Variants in SNTG1 observed in about 807,000 individuals in gnomAD.
SNTG1 encodes syntrophin gamma 1.
A neutral mutation model predicts 74.7 loss-of-function variants in SNTG1; 39 were observed. The observed-to-expected ratio is 0.52, with a 90% CI of 0.40 to 0.68. The LOEUF (loss-of-function observed/expected upper bound fraction) is 0.68, where lower values mean the gene tolerates loss of function less well. Among genes scored for constraint, SNTG1 ranks in the 30% least tolerant of loss-of-function variants. SNTG1 has a pLI of 0.00. For missense variants in SNTG1, 685 were observed against 609.5 expected (o/e 1.12, Z -1.30); for synonymous variants, 254 against 217.1 (o/e 1.17, Z -1.49).
At chr8:50,252,619 T>C (rs1188528510) in intron 2 of SNTG1, among the ~76,000 whole-genome samples, 1 of 152,082 alleles carries the variant, frequency 6.6e-6, no homozygotes, top group Non-Finnish European at 1.5e-5. Context: ...ATGGTGGAAG[T>C]TGAAGGAAGA....
intron 8 of SNTG1, among the ~76,000 whole-genome samples, chr8:50,502,429 A>G (rs1410146784): frequency 1.3e-5 from 2 of 152,188 alleles, no homozygotes; most frequent in African/African-American, 2.4e-5. Flanking sequence ...ACAATTATTA[A>G]TAATTTACCA....
intron 2 of SNTG1, among the ~76,000 whole-genome samples, chr8:50,237,406 T>C (rs1352026080): frequency 6.6e-6 from 1 of 152,178 alleles, no homozygotes; most frequent in South Asian, 2.1e-4. Context: ...TCTCTTTTCA[T>C]GAATTTGGCC....
chr8:50,645,012 G>GCCCA (rs1407439923), intron 13 of SNTG1, among the ~76,000 whole-genome samples: 2 of 150,182 alleles, frequency 1.3e-5, no homozygotes, highest in Middle Eastern at 3.4e-3. Flanking sequence ...CACCTTGGCC[G>GCCCA]CCCACAGTGC....
chr8:50,403,328 G>A (rs58312843), intron 4 of SNTG1, among the ~76,000 whole-genome samples: 4,790 of 152,188 alleles, frequency 0.031, 248 homozygotes, highest in African/African-American at 0.11. Flanking sequence ...TAAATCAATA[G>A]GCCTTTGCCA....
chr8:50,343,268 A>G (rs1563921617), intron 2 of SNTG1, among the ~76,000 whole-genome samples: 1 of 152,258 alleles, frequency 6.6e-6, no homozygotes, highest in Non-Finnish European at 1.5e-5. Flanking sequence ...TCAATAGATT[A>G]CATGGCATTA....
At chr8:50,190,175 G>A (rs1206804122) in intron 2 of SNTG1, among the ~76,000 whole-genome samples, 1 of 152,118 alleles carries the variant, frequency 6.6e-6, no homozygotes, top group African/African-American at 2.4e-5. Context: ...GGAGCTCACA[G>A]TCTACTGTAA....
intron 11 of SNTG1, among the ~76,000 whole-genome samples, chr8:50,537,609 A>G (rs1446337036): frequency 6.6e-6 from 1 of 152,028 alleles, no homozygotes; most frequent in Non-Finnish European, 1.5e-5. Flanking sequence ...ACTTGTATGT[A>G]TACTTTATGA....
At chr8:50,425,180 T>G (rs2093146036) in intron 4 of SNTG1, among the ~76,000 whole-genome samples, 2 of 152,146 alleles carry the variant, frequency 1.3e-5, no homozygotes, top group Admixed American at 6.5e-5. Flanking sequence ...AGGGATTTTT[T>G]TTGTGGTTAA....
chr8:50,416,142 C>T (rs551147553), intron 4 of SNTG1, among the ~76,000 whole-genome samples: 30 of 152,224 alleles, frequency 2.0e-4, no homozygotes, highest in African/African-American at 7.0e-4. Flanking sequence ...CAAAATGTCC[C>T]AAGTACAATT....
At chr8:50,410,259 G>T (rs1000336254) in intron 4 of SNTG1, among the ~76,000 whole-genome samples, 1 of 152,108 alleles carries the variant, frequency 6.6e-6, no homozygotes, top group Non-Finnish European at 1.5e-5. Flanking sequence ...GGCATGGTGT[G>T]TGCAGGCCTA....
chr8:50,418,888 T>G (rs562365151), intron 4 of SNTG1, among the ~76,000 whole-genome samples: 4 of 152,314 alleles, frequency 2.6e-5, no homozygotes, highest in African/African-American at 9.6e-5. Flanking sequence ...TAAAAAATCA[T>G]GTTAGCTTTC....
chr8:50,709,049 A>G, intron 17 of SNTG1, 71 bp downstream of exon 17: 1 of 1,091,686 alleles, frequency 9.2e-7, no homozygotes, highest in Non-Finnish European at 1.4e-6. Context: ...TAAATGCCTC[A>G]TAACTCCTTT....
intron 1 of SNTG1, among the ~76,000 whole-genome samples, chr8:49,953,737 A>T (rs1024707495): frequency 1.3e-5 from 2 of 152,188 alleles, no homozygotes; most frequent in South Asian, 2.1e-4. Flanking sequence ...TGGTATTGTT[A>T]TTGCTGATGT....
rs531827114 is a variant in SNTG1 at position 50,622,880 on chromosome 8, T to C, written c.849+31963T>C. Among the ~76,000 whole-genome samples the C allele has an allele frequency of 5.9e-5, 9 of 152,262 alleles. No individual in the cohort carries two copies. In the South Asian group the frequency reaches 1.9e-3, roughly 32 times the overall value. ...TTACATCTTCTCAAAGGTAAATATG[T>C]CTCCTTATAATGAATTCTTTCAAGA... is the stretch of plus-strand genomic sequence containing the variant. On this transcript the variant is annotated intron_variant, in intron 13 of 18. Coordinates refer to ENST00000642720, the MANE Select transcript of SNTG1 (RefSeq NM_018967.5).
At chr8:50,392,578 G>A (rs1423990567) in intron 2 of SNTG1, among the ~76,000 whole-genome samples, 1 of 152,112 alleles carries the variant, frequency 6.6e-6, no homozygotes, top group Non-Finnish European at 1.5e-5. Context: ...TTTTGATATG[G>A]TCTAGTAGAA....
At chr8:50,511,443 G>A (rs534554758) in intron 9 of SNTG1, among the ~76,000 whole-genome samples, 1 of 152,304 alleles carries the variant, frequency 6.6e-6, no homozygotes, top group African/African-American at 2.4e-5. Flanking sequence ...GCTTGGTGCA[G>A]AGCTGAGTTC....
chr8:50,103,564 C>A (rs1476479147), intron 1 of SNTG1, among the ~76,000 whole-genome samples: 11 of 152,256 alleles, frequency 7.2e-5, no homozygotes, highest in South Asian at 4.1e-4. Context: ...CCTTCTCCTG[C>A]CTAATTGCCC....
chr8:49,910,586 A>G (rs1805528350), upstream of SNTG1, among the ~76,000 whole-genome samples: 2 of 152,064 alleles, frequency 1.3e-5, no homozygotes, highest in Non-Finnish European at 2.9e-5. Flanking sequence ...TGGGTGGCTG[A>G]GCCCTGGGTG....
At chr8:50,515,848 C>A (rs183159063) in intron 9 of SNTG1, among the ~76,000 whole-genome samples, 1 of 152,200 alleles carries the variant, frequency 6.6e-6, no homozygotes, top group East Asian at 1.9e-4. Context: ...GACAGAGCAC[C>A]TGGGGGAAGG....
Sources: gnomAD v4.1 joint callset for allele counts (sites outside exome capture counted in the v4.1 genomes callset) on GRCh38, gnomAD v4.1.1 for gene constraint, MANE v1.5 for transcripts, NCBI Gene and HGNC (gene_info 2026-07-23, HGNC 2026-07-21) for gene names.